Variants in MAGED1 observed in about 807,000 individuals in gnomAD.
MAGED1 encodes the protein melanoma-associated antigen D1.
Under a neutral mutation model 54.1 loss-of-function variants are expected in MAGED1, and 3 were observed. That is an observed-to-expected ratio of 0.06 (90% CI 0.03 to 0.14). The LOEUF is 0.14. MAGED1 is among the 10% of genes least tolerant of loss of function. The pLI is 1.00. For missense variants in MAGED1, 485 were observed against 623.4 expected (o/e 0.78, Z 2.36); for synonymous variants, 217 against 227.3 (o/e 0.95, Z 0.41).
At chrX:51,881,740 C>CTTAGTATCT (rs2147002490) in intron 1 of MAGED1, among the ~76,000 whole-genome samples, 1 of 111,623 alleles carries the variant, frequency 9.0e-6, no homozygotes, top group East Asian at 2.8e-4. Context: ...TCTACTTCAA[C>CTTAGTATCT]TTAGTATCTG....
At chrX:51,804,756 T>C in intron 1 of MAGED1, among the ~76,000 whole-genome samples, 1 of 111,768 alleles carries the variant, frequency 8.9e-6, no homozygotes, top group Admixed American at 9.5e-5. Context: ...TAATAGGTTG[T>C]AATGTGGACG....
chrX:51,901,711 C>T lies in MAGED1; in HGVS notation c.2118C>T (p.Ser706=), dbSNP rs781882563. Residue 706 remains serine, a synonymous_variant, in exon 12 of 13, where the codon AGC becomes AGT. Transcript: ENST00000326587. ...IGDEAVSGPW[S]WDDIEFELLT... ...ATGAGGCTGTGTCTGGGCCCTGGAGCTGGGATGACATTGAGTTTGAGCTGC... is the reference window on the plus strand; with the variant it reads ...ATGAGGCTGTGTCTGGGCCCTGGAGTTGGGATGACATTGAGTTTGAGCTGC... The T allele has an allele frequency of 8.3e-7, 1 of 1,211,327 alleles. No homozygotes were observed. The highest frequency in any genetic ancestry group is 1.1e-6 in the Non-Finnish European group (1 of 895,377).
At chrX:51,891,655 C>CTTTA (rs1346668041), upstream of MAGED1, among the ~76,000 whole-genome samples, 2 of 112,081 alleles carry the variant, frequency 1.8e-5, no homozygotes, top group African/African-American at 6.5e-5. Context: ...GGTTTACACT[C>CTTTA]TAAATGGGGG....
At chrX:51,827,235 G>A (rs1264497569) in intron 1 of MAGED1, among the ~76,000 whole-genome samples, 5 of 108,876 alleles carry the variant, frequency 4.6e-5, no homozygotes, top group Non-Finnish European at 7.7e-5. Context: ...ACCCCAGCCT[G>A]GACAACAGAG....
intron 1 of MAGED1, among the ~76,000 whole-genome samples, chrX:51,885,926 A>G (rs1602261793): frequency 9.0e-6 from 1 of 110,934 alleles, no homozygotes; most frequent in Non-Finnish European, 1.9e-5. Flanking sequence ...TATATGCACA[A>G]TGAAATATTA....
chrX:51,850,618 G>T (rs1296464209), intron 1 of MAGED1, among the ~76,000 whole-genome samples: 8 of 111,566 alleles, frequency 7.2e-5, no homozygotes, highest in African/African-American at 2.3e-4. Flanking sequence ...CAAAATGCTG[G>T]CTGGGCGCAG....
intron 1 of MAGED1, among the ~76,000 whole-genome samples, chrX:51,809,230 T>C (rs1482553431): frequency 9.0e-6 from 1 of 111,523 alleles, no homozygotes; most frequent in Non-Finnish European, 1.9e-5. Context: ...TTCTTCTGCC[T>C]CAGGCTCCCG....
intron 1 of MAGED1, among the ~76,000 whole-genome samples, chrX:51,864,214 G>T (rs1927384234): frequency 9.4e-6 from 1 of 106,746 alleles, no homozygotes; most frequent in African/African-American, 3.4e-5. Context: ...GTGTGTGTGT[G>T]TAAGATAATG....
Position 51,895,426 on chromosome X carries a change from A to G in MAGED1, c.419A>G (p.Asn140Ser), listed in dbSNP as rs1473792631. The change falls in exon 3 of 13, where the codon AAC becomes AGC. Residue 140 changes from asparagine (N) to serine (S), a missense_variant. Transcript: ENST00000326587. ...GCAACCACTGGTGAGTTAGCTGCTA[A>G]CAAGTCTGAGATGGCCTTCAAGGCC... ...QAATTGELAA[N>S]KSEMAFKAQN... is the part of the protein sequence containing the mutation. 1.7e-6 allele frequency: 2 copies of G among 1,207,435 alleles called. No homozygotes were observed. Among genetic ancestry groups the G allele is most frequent in the Non-Finnish European group, 2.2e-6 (2 of 893,102 alleles).
chrX:51,883,661 T>C (rs1928139863), intron 1 of MAGED1, among the ~76,000 whole-genome samples: 1 of 112,330 alleles, frequency 8.9e-6, no homozygotes, highest in Admixed American at 9.4e-5. Context: ...GGCACAGTTA[T>C]TAGAATCATC....
chrX:51,873,779 A>G (rs1197658721), intron 1 of MAGED1, among the ~76,000 whole-genome samples: 5 of 110,852 alleles, frequency 4.5e-5, no homozygotes, highest in African/African-American at 1.6e-4. Flanking sequence ...TCTTCCAGGT[A>G]CCTTCTGGTT....
chrX:51,862,142 G>A (rs1179978862), intron 1 of MAGED1, among the ~76,000 whole-genome samples: 3 of 111,398 alleles, frequency 2.7e-5, no homozygotes, highest in Non-Finnish European at 5.7e-5. Context: ...CTTTCATGAT[G>A]ATGTGTGGAT....
intron 1 of MAGED1, among the ~76,000 whole-genome samples, chrX:51,845,434 G>C (rs1359074253): frequency 1.8e-5 from 2 of 112,058 alleles, no homozygotes; most frequent in Non-Finnish European, 3.8e-5. Flanking sequence ...TTTTAAAATT[G>C]CTTGGGACTG....
intron 1 of MAGED1, among the ~76,000 whole-genome samples, chrX:51,873,478 CAGAG>C (rs1376193665): frequency 2.0e-5 from 2 of 101,696 alleles, no homozygotes; most frequent in African/African-American, 3.7e-5. Context: ...GATCATGAGT[CAGAG>C]AGAGTCATGT....
intron 1 of MAGED1, among the ~76,000 whole-genome samples, chrX:51,824,282 T>TTTATATTTTATA (rs1557356775): frequency 3.6e-5 from 4 of 111,464 alleles, no homozygotes; most frequent in Non-Finnish European, 1.9e-5. Context: ...TAGTTTTACT[T>TTTATATTTTATA]CCTTTATTAG....
At chrX:51,807,328 A>G (rs781903116) in intron 1 of MAGED1, among the ~76,000 whole-genome samples, 27 of 110,914 alleles carry the variant, frequency 2.4e-4, no homozygotes, top group Non-Finnish European at 2.1e-4. Context: ...AGCTCTTTCT[A>G]TATTAAGGAT....
chrX:51,835,367 T>C (rs888944398), intron 1 of MAGED1, among the ~76,000 whole-genome samples: 3 of 111,048 alleles, frequency 2.7e-5, no homozygotes, highest in Admixed American at 1.9e-4. Context: ...TGTAATTTAT[T>C]GAATACTGTG....
intron 1 of MAGED1, among the ~76,000 whole-genome samples, chrX:51,841,041 A>C (rs1326849462): frequency 9.2e-6 from 1 of 108,442 alleles, no homozygotes; most frequent in Non-Finnish European, 1.9e-5. Flanking sequence ...ACTAGTTTAC[A>C]GTGCCACCAA....
In MAGED1 at chrX:51,893,701, C is replaced by CT. The variant is rs1199253974; in HGVS notation, c.-90dup. The CT allele has an allele frequency of 8.8e-6, 1 of 113,418 alleles. No homozygotes were observed. Among genetic ancestry groups the CT allele is most frequent in the Non-Finnish European group, 1.9e-5 (1 of 53,500 alleles). The allele number at this position is 113,418 out of a possible 1,213,427, so 9.3% of individuals were successfully genotyped here. On this transcript the variant is annotated 5_prime_UTR_variant, in exon 1 of 13. Transcript: ENST00000326587. Reference sequence around the variant, plus strand: ...AGCCGAGCCCAGCAATCCCGATCCTCTGAGTCGTGAAGAAGGGAGGCAGCG... The same window carrying CT: ...AGCCGAGCCCAGCAATCCCGATCCTCTTGAGTCGTGAAGAAGGGAGGCAGCG...
Sources: allele counts gnomAD v4.1 joint callset (sites outside exome capture counted in the v4.1 genomes callset), GRCh38; gene constraint gnomAD v4.1.1; transcripts MANE v1.5; gene names NCBI Gene and HGNC (gene_info 2026-07-23, HGNC 2026-07-21).